The following BTBD7 variants were observed in gnomAD, a reference collection of about 807,000 sequenced individuals.
BTBD7 encodes BTB domain containing 7.
In BTBD7, 38 loss-of-function variants were observed where a neutral mutation model predicts 99.9. The ratio of observed to expected loss-of-function variants is 0.38; its 90% CI spans 0.29 to 0.50. BTBD7 has a LOEUF of 0.50. Among genes scored for constraint, BTBD7 ranks in the 20% least tolerant of loss-of-function variants. The pLI, the probability that BTBD7 is intolerant of heterozygous loss-of-function variation, is 0.93. For missense variants in BTBD7, 1,170 were observed against 1,394.6 expected (o/e 0.84, Z 2.57); for synonymous variants, 520 against 511.4 (o/e 1.02, Z -0.23).
chr14:93,240,405 G>C lies in BTBD7; in HGVS notation c.*1868C>G, dbSNP rs2052211151. 1 of 152,644 alleles carries C rather than the reference G, an allele frequency of 6.6e-6. No homozygotes were observed. Among genetic ancestry groups the C allele is most frequent in the African/African-American group, 2.4e-5 (1 of 41,446 alleles). The allele number at this position is 152,644 out of a possible 1,614,324, so 9.5% of individuals were successfully genotyped here. On this transcript the variant is annotated 3_prime_UTR_variant, in exon 11 of 11. Transcript: ENST00000334746. ...GGAAAAGACCGTAAGAGAAACTATA[G>C]TTTTGGGAGAAATCAGCGTTGTTGA... is the stretch of plus-strand genomic sequence containing the variant.
rs557714434 is a variant in BTBD7 at position 93,247,017 on chromosome 14, T to G, written c.2122-731A>C. ...TTGCTGAAGAACCCTATGCCATGTTTATTCATTCATTCATTCATTCTTTTT... is the reference window on the plus strand; with the variant it reads ...TTGCTGAAGAACCCTATGCCATGTTGATTCATTCATTCATTCATTCTTTTT... On this transcript the variant is annotated intron_variant, in intron 9 of 10. Transcript: ENST00000334746. Among the ~76,000 whole-genome samples the G allele has an allele frequency of 2.0e-5, 3 of 152,266 alleles. No individual in the cohort carries two copies. The East Asian group carries it at 5.8e-4, about 29-fold the overall frequency.
chr14:93,260,743 G>T (rs940965653), intron 5 of BTBD7, among the ~76,000 whole-genome samples: 1 of 152,006 alleles, frequency 6.6e-6, no homozygotes, highest in Non-Finnish European at 1.5e-5. Context: ...AGTAGAGACA[G>T]GGTTTCTCCA....
intron 3 of BTBD7, among the ~76,000 whole-genome samples, chr14:93,279,609 G>A (rs548205071): frequency 2.0e-5 from 3 of 152,156 alleles, no homozygotes; most frequent in Admixed American, 2.0e-4. Flanking sequence ...GTGCAGTGGC[G>A]TGATCCCAGC....
At chr14:93,298,455 A>G (rs1341159182) in intron 1 of BTBD7, among the ~76,000 whole-genome samples, 2 of 152,194 alleles carry the variant, frequency 1.3e-5, no homozygotes, top group African/African-American at 4.8e-5. Context: ...ACTATATTAA[A>G]AATATTGTAT....
At chr14:93,313,999 G>A (rs989780900) in intron 1 of BTBD7, among the ~76,000 whole-genome samples, 2 of 151,854 alleles carry the variant, frequency 1.3e-5, no homozygotes, top group African/African-American at 4.8e-5. Context: ...TCCTGCCTCA[G>A]CTTTGCAAAG....
Position 93,332,899 on chromosome 14 carries a change from G to A in BTBD7, c.-186C>T, listed in dbSNP as rs1021695676. On this transcript the variant is annotated 5_prime_UTR_variant, in exon 1 of 11. It adds an upstream start codon to the 5' untranslated region. Transcript: ENST00000334746. ...CGCCGCCGCCGCCACCAGCACCGCC[G>A]TCCGCACCGGCGCCAGCACCCCCGG... The A allele has an allele frequency of 2.2e-6, 3 of 1,383,312 alleles. No homozygotes were observed. Among genetic ancestry groups the A allele is most frequent in the Non-Finnish European group, 2.9e-6 (3 of 1,047,018 alleles). 85.7% of individuals were successfully genotyped at this position (1,383,312 alleles called of 1,614,324 possible).
At chr14:93,247,395 T>C (rs906720559) in intron 9 of BTBD7, among the ~76,000 whole-genome samples, 1 of 152,106 alleles carries the variant, frequency 6.6e-6, no homozygotes, top group Non-Finnish European at 1.5e-5. Flanking sequence ...TCACCCAGGC[T>C]GGAGTGCAGT....
rs182020303 is a variant in BTBD7 at position 93,258,093 on chromosome 14, C to G, written c.1448-738G>C. Among the ~76,000 whole-genome samples the G allele has an allele frequency of 2.6e-5, 4 of 151,414 alleles. No individual in the cohort carries two copies. The East Asian group carries it at 7.8e-4, about 29-fold the overall frequency. On this transcript the variant is annotated intron_variant, in intron 5 of 10. Coordinates refer to ENST00000334746, the MANE Select transcript of BTBD7 (RefSeq NM_001002860.4). ...TTAATCATGGCTTTAATCTAGGGGT[C>G]TGTAATTTTTTTCTTAAAAAAATTA...
intron 3 of BTBD7, among the ~76,000 whole-genome samples, chr14:93,285,101 T>G (rs1019663831): frequency 6.6e-6 from 1 of 152,120 alleles, no homozygotes; most frequent in Non-Finnish European, 1.5e-5. Context: ...TCAAATTTGC[T>G]GAAGAGGAGA....
chr14:93,303,905 G>A (rs763142400), intron 1 of BTBD7, among the ~76,000 whole-genome samples: 2 of 152,218 alleles, frequency 1.3e-5, no homozygotes, highest in African/African-American at 2.4e-5. Context: ...CTGGTCTTTG[G>A]CAGAGGGCCT....
chr14:93,240,040 C>CA lies in BTBD7; in HGVS notation c.*2232dup, dbSNP rs1470515912. The CA allele has an allele frequency of 6.6e-6, 1 of 150,956 alleles. No individual in the cohort carries two copies. Among genetic ancestry groups the CA allele is most frequent in the Non-Finnish European group, 1.5e-5 (1 of 67,486 alleles). The allele number at this position is 150,956 out of a possible 1,614,324, so 9.4% of individuals were successfully genotyped here. A position where few individuals can be genotyped will look rare whatever the true frequency, so the allele number is the denominator to read the frequency against. On this transcript the variant is annotated 3_prime_UTR_variant, in exon 11 of 11. Transcript: ENST00000334746. ...ATTCACTTTTGTTTCTGAAGACAGA[C>CA]AGAGACTGGGCTTCAAAAGACACCG...
intron 8 of BTBD7, among the ~76,000 whole-genome samples, chr14:93,250,232 TAG>T (rs2052355616): frequency 2.0e-5 from 3 of 152,114 alleles, no homozygotes; most frequent in Admixed American, 2.0e-4. Context: ...AGCTAAACAA[TAG>T]AGAGACAAGC....
chr14:93,302,070 C>T (rs2053011704), intron 1 of BTBD7, among the ~76,000 whole-genome samples: 1 of 152,216 alleles, frequency 6.6e-6, no homozygotes, highest in East Asian at 1.9e-4. Flanking sequence ...ATCTTGAGTA[C>T]GAGTTAACTG....
intron 1 of BTBD7, among the ~76,000 whole-genome samples, chr14:93,296,955 A>G (rs2052935727): frequency 6.6e-6 from 1 of 152,262 alleles, no homozygotes; most frequent in African/African-American, 2.4e-5. Context: ...TGCAAAAAAG[A>G]AAATCTAAGA....
chr14:93,316,499 T>C (rs2053208448), intron 1 of BTBD7, among the ~76,000 whole-genome samples: 1 of 152,210 alleles, frequency 6.6e-6, no homozygotes, highest in South Asian at 2.1e-4. Context: ...TCCTCCCACT[T>C]TGGCCTCTCA....
At chr14:93,264,753 C>T (rs1486825543) in intron 3 of BTBD7, among the ~76,000 whole-genome samples, 1 of 151,996 alleles carries the variant, frequency 6.6e-6, no homozygotes, top group Non-Finnish European at 1.5e-5. Flanking sequence ...TACTATAAAA[C>T]AAAAAACAAT....
At chr14:93,252,028 G>C (rs2139685788) in intron 7 of BTBD7, among the ~76,000 whole-genome samples, 1 of 152,108 alleles carries the variant, frequency 6.6e-6, no homozygotes, top group East Asian at 1.9e-4. Context: ...TGATAATCAG[G>C]GCCGGGCGTG....
intron 1 of BTBD7, among the ~76,000 whole-genome samples, chr14:93,323,794 G>GTCATGTTTA (rs2139827778): frequency 6.6e-6 from 1 of 152,184 alleles, no homozygotes; most frequent in East Asian, 1.9e-4. Context: ...AACACCACAC[G>GTCATGTTTA]TCATGTTTAT....
chr14:93,259,075 G>C (rs1201888988), intron 5 of BTBD7, among the ~76,000 whole-genome samples: 1 of 152,174 alleles, frequency 6.6e-6, no homozygotes, highest in Non-Finnish European at 1.5e-5. Context: ...CACAAACAAT[G>C]AATCAGCATA....
Sources: allele counts gnomAD v4.1 joint callset (sites outside exome capture counted in the v4.1 genomes callset), GRCh38; gene constraint gnomAD v4.1.1; transcripts MANE v1.5; gene names NCBI Gene and HGNC (gene_info 2026-07-23, HGNC 2026-07-21).